Variants in KIAA1217 observed in about 807,000 individuals in gnomAD.
KIAA1217 encodes KIAA1217.
KIAA1217 carries 88 observed loss-of-function variants against 163.9 expected under a neutral mutation model. That is an observed-to-expected ratio of 0.54 (90% confidence interval 0.45 to 0.64). The LOEUF (loss-of-function observed/expected upper bound fraction) is 0.64. Ranked by LOEUF, KIAA1217 falls within the 30% of genes least tolerant of loss-of-function variation. The pLI, the probability that KIAA1217 is intolerant of heterozygous loss-of-function variation, is 0.00. For synonymous variants in KIAA1217, 903 were observed against 923.1 expected (o/e 0.98, Z 0.39); for missense variants, 2,372 against 2,475.0 (o/e 0.96, Z 0.88).
rs1554896420 is a variant in KIAA1217, at chr10:24,484,239, A to ATT, written c.1679+10180_1679+10181insTT. Among the ~76,000 whole-genome samples, 80 of 86,160 alleles carry ATT rather than the reference A, an allele frequency of 9.3e-4. 1 individual carries two copies. Among genetic ancestry groups the ATT allele is most frequent in the Non-Finnish European group, 1.4e-3 (61 of 43,682 alleles). The allele number at this position is 86,160 out of a possible 152,430, so 56.5% of individuals were successfully genotyped here. On this transcript the variant is annotated intron_variant, in intron 6 of 20. Transcript: ENST00000376454. ...GATAGATATACATATATATATATAT[A>ATT]TATTTTTTTTTTTTTTTTTTTTTTT...
At chr10:23,861,641 G>A (rs371988293) in intron 1 of KIAA1217, among the ~76,000 whole-genome samples, 13 of 152,266 alleles carry the variant, frequency 8.5e-5, no homozygotes, top group African/African-American at 3.1e-4. Context: ...AGACATACTC[G>A]ACTCAATGTT....
At chr10:24,479,748 C>T (rs2064429152) in intron 6 of KIAA1217, among the ~76,000 whole-genome samples, 1 of 152,164 alleles carries the variant, frequency 6.6e-6, no homozygotes, top group South Asian at 2.1e-4. Flanking sequence ...TGCATCATAG[C>T]ATGGCAGAGA....
rs1478455901 is a variant in KIAA1217, at chr10:23,790,550, TAC to T, written c.-321+95318_-321+95319del. 7.7e-5 allele frequency among the ~76,000 whole-genome samples: 9 copies of T among 116,774 alleles called. 2 individuals are homozygous for T. Among genetic ancestry groups the T allele is most frequent in the African/African-American group, 3.8e-4 (9 of 23,946 alleles). The allele number at this position is 116,774 out of a possible 152,430, so 76.6% of individuals were successfully genotyped here. A position where few individuals can be genotyped will look rare whatever the true frequency, so the allele number is the denominator to read the frequency against. ...ATATATACATATACATGTGCATATA[TAC>T]ATATGTACATATGTATATATACATA... On this transcript the variant is annotated intron_variant, in intron 1 of 18. Transcript: ENST00000376462.
intron 1 of KIAA1217, among the ~76,000 whole-genome samples, chr10:23,703,845 G>A (rs975028747): frequency 1.3e-5 from 2 of 151,716 alleles, no homozygotes; most frequent in Admixed American, 1.3e-4. Flanking sequence ...TTTGCAGTCC[G>A]CACTGATTTT....
intron 2 of KIAA1217, among the ~76,000 whole-genome samples, chr10:24,101,862 T>C (rs2062429964): frequency 6.6e-6 from 1 of 152,198 alleles, no homozygotes; most frequent in Non-Finnish European, 1.5e-5. Context: ...GTTGGATTTT[T>C]AGTGTAAAAT....
At chr10:24,518,170 T>A (rs1289789615) in intron 10 of KIAA1217, among the ~76,000 whole-genome samples, 2 of 152,230 alleles carry the variant, frequency 1.3e-5, no homozygotes, top group African/African-American at 4.8e-5. Flanking sequence ...AACTGTGACG[T>A]CTATGAATAT....
intron 1 of KIAA1217, among the ~76,000 whole-genome samples, chr10:23,720,334 A>G (rs758644936): frequency 1.6e-4 from 24 of 152,190 alleles, no homozygotes; most frequent in Non-Finnish European, 1.6e-4. Context: ...GTGTCACTTG[A>G]TAAAATAAAA....
At chr10:24,107,019 A>G (rs1028441796) in intron 2 of KIAA1217, among the ~76,000 whole-genome samples, 3 of 152,060 alleles carry the variant, frequency 2.0e-5, no homozygotes, top group Admixed American at 1.3e-4. Flanking sequence ...TAGTTTTTCA[A>G]TCCTCACCCT....
chr10:24,541,703 G>A (rs2075116989), intron 17 of KIAA1217, among the ~76,000 whole-genome samples: 1 of 152,210 alleles, frequency 6.6e-6, no homozygotes, highest in Non-Finnish European at 1.5e-5. Context: ...GAAAGGCCAG[G>A]CCTCCAGGTG....
At chr10:23,816,316 C>T (rs563655276) in intron 1 of KIAA1217, among the ~76,000 whole-genome samples, 2 of 151,940 alleles carry the variant, frequency 1.3e-5, no homozygotes, top group African/African-American at 4.8e-5. Context: ...TTGTTTGAGG[C>T]GGAATCTCCT....
intron 1 of KIAA1217, among the ~76,000 whole-genome samples, chr10:23,893,861 G>A (rs1399195760): frequency 6.6e-6 from 1 of 151,924 alleles, no homozygotes; most frequent in Non-Finnish European, 1.5e-5. Flanking sequence ...ATGTAATCCA[G>A]CATATAAACA....
intron 2 of KIAA1217, among the ~76,000 whole-genome samples, chr10:24,073,195 G>T (rs950815901): frequency 6.6e-6 from 1 of 152,114 alleles, no homozygotes; most frequent in African/African-American, 2.4e-5. Context: ...GAGCGCTGGG[G>T]CAGAAGAAGA....
chr10:24,363,762 G>A (rs1294520754), intron 2 of KIAA1217, among the ~76,000 whole-genome samples: 1 of 151,634 alleles, frequency 6.6e-6, no homozygotes, highest in Non-Finnish European at 1.5e-5. Context: ...TGTAGAGATG[G>A]AGTCTCATTG....
intron 1 of KIAA1217, among the ~76,000 whole-genome samples, chr10:23,979,761 C>T (rs1845689525): frequency 6.6e-6 from 1 of 152,108 alleles, no homozygotes; most frequent in South Asian, 2.1e-4. Context: ...ACTCTCTCCC[C>T]TCACTCCCTT....
chr10:24,252,480 C>T (rs2074666360), intron 2 of KIAA1217, among the ~76,000 whole-genome samples: 1 of 152,032 alleles, frequency 6.6e-6, no homozygotes, highest in African/African-American at 2.4e-5. Context: ...CTCTAGAAGC[C>T]GAGGCCAAAG....
chr10:24,423,150 C>G (rs1174635334), intron 3 of KIAA1217, among the ~76,000 whole-genome samples: 2 of 152,032 alleles, frequency 1.3e-5, no homozygotes, highest in Non-Finnish European at 2.9e-5. Flanking sequence ...ATCTCCTGAC[C>G]TCGTGATCCA....
intron 3 of KIAA1217, among the ~76,000 whole-genome samples, chr10:24,397,106 C>CTGTTTTTTTTT (rs1200787890): frequency 7.2e-6 from 1 of 138,212 alleles, no homozygotes; most frequent in African/African-American, 2.7e-5. Flanking sequence ...ATGTAAGAAA[C>CTGTTTTTTTTT]TCTTTTTTTT....
intron 6 of KIAA1217, among the ~76,000 whole-genome samples, chr10:24,484,208 T>TATAG (rs2065057444): frequency 3.0e-5 from 4 of 135,568 alleles, no homozygotes; most frequent in Admixed American, 7.5e-5. Context: ...TACATATATA[T>TATAG]AGATAGATAG....
chr10:23,872,156 A>G (rs1485477647), intron 1 of KIAA1217, among the ~76,000 whole-genome samples: 1 of 152,086 alleles, frequency 6.6e-6, no homozygotes, highest in Non-Finnish European at 1.5e-5. Context: ...AGAGCAGCAG[A>G]GTGAGACTAG....
Sources: allele counts gnomAD v4.1 joint callset (sites outside exome capture counted in the v4.1 genomes callset), GRCh38; gene constraint gnomAD v4.1.1; transcripts MANE v1.5; gene names NCBI Gene and HGNC (gene_info 2026-07-23, HGNC 2026-07-21).